Variants in MGAT4C observed in about 807,000 individuals in gnomAD.
MGAT4C encodes MGAT4 family member C.
Under a neutral mutation model 40.1 loss-of-function variants are expected in MGAT4C, and 19 were observed. That is an observed-to-expected ratio of 0.47 (90% CI 0.33 to 0.70). The LOEUF is 0.70. Among genes scored for constraint, MGAT4C ranks in the 30% least tolerant of loss-of-function variants. The probability of loss-of-function intolerance (pLI) is 0.02; values close to 1 mark genes in which losing one functional copy is unlikely to be tolerated. For synonymous variants in MGAT4C, 181 were observed against 187.1 expected, an observed-to-expected ratio of 0.97 and a Z score of 0.27; for missense variants, 491 against 563.2, an observed-to-expected ratio of 0.87 and a Z score of 1.30.
intron 2 of MGAT4C, among the ~76,000 whole-genome samples, chr12:86,676,941 A>T (rs1964414647): frequency 6.6e-6 from 1 of 152,148 alleles, no homozygotes; most frequent in Admixed American, 6.6e-5. Context: ...AACAGCCATC[A>T]GTCTTTTAAA....
In MGAT4C at chr12:86,321,689, G is replaced by T. The variant is rs927108101; in HGVS notation, c.-57+12376C>A. Among the ~76,000 whole-genome samples, 23 of 152,116 alleles carry T rather than the reference G, an allele frequency of 1.5e-4. 1 individual carries two copies. The highest frequency in any genetic ancestry group is 1.5e-5 in the Non-Finnish European group (1 of 68,030). ...ACCTGTGAGATACCATCTCACACCA[G>T]TTAGAATGGCGATCATTAACAAGTC... On this transcript the variant is annotated intron_variant, in intron 4 of 7. Transcript: ENST00000548651.
intron 3 of MGAT4C, among the ~76,000 whole-genome samples, chr12:86,399,525 C>T (rs1956319732): frequency 6.6e-6 from 1 of 152,164 alleles, no homozygotes; most frequent in Admixed American, 6.5e-5. Flanking sequence ...TCGTGATCTG[C>T]CTGCCTCGAC....
At chr12:86,219,073 C>T (rs143213189) in intron 1 of MGAT4C, among the ~76,000 whole-genome samples, 7,599 of 151,840 alleles carry the variant, frequency 0.05, 225 homozygotes, top group South Asian at 0.073. Flanking sequence ...CCAGCTACTC[C>T]GGAGGCTGAG....
chr12:86,584,671 T>G (rs1960931296), intron 2 of MGAT4C, among the ~76,000 whole-genome samples: 1 of 151,350 alleles, frequency 6.6e-6, no homozygotes, highest in South Asian at 2.1e-4. Context: ...ATTCAATGCG[T>G]ATATATACTT....
At chr12:86,819,136 CA>C (rs1952658445) in intron 1 of MGAT4C, among the ~76,000 whole-genome samples, 1 of 150,828 alleles carries the variant, frequency 6.6e-6, no homozygotes, top group Admixed American at 6.6e-5. Context: ...TAGTACTTTC[CA>C]CATGGCAGCC....
At chr12:86,478,197 C>T (rs538958641) in intron 2 of MGAT4C, among the ~76,000 whole-genome samples, 2 of 152,208 alleles carry the variant, frequency 1.3e-5, no homozygotes, top group Non-Finnish European at 2.9e-5. Flanking sequence ...GGTCAGAGGC[C>T]AGTCTAGCAA....
chr12:86,712,217 A>T (rs1950568345), intron 2 of MGAT4C, among the ~76,000 whole-genome samples: 1 of 152,138 alleles, frequency 6.6e-6, no homozygotes, highest in South Asian at 2.1e-4. Flanking sequence ...AAAAGTTGAA[A>T]TATTTTTGGA....
intron 2 of MGAT4C, among the ~76,000 whole-genome samples, chr12:86,651,982 T>A (rs770490541): frequency 4.5e-4 from 69 of 151,878 alleles, no homozygotes; most frequent in Non-Finnish European, 6.5e-4. Flanking sequence ...AAGATATGCT[T>A]TTTACAGACA....
intron 1 of MGAT4C, among the ~76,000 whole-genome samples, chr12:86,242,526 C>T (rs746351047): frequency 3.3e-5 from 5 of 152,068 alleles, no homozygotes; most frequent in Admixed American, 2.0e-4. Flanking sequence ...GTAATGACTC[C>T]TTTTTAAATC....
intron 2 of MGAT4C, among the ~76,000 whole-genome samples, chr12:86,577,323 C>T (rs1318357169): frequency 1.3e-5 from 2 of 151,704 alleles, no homozygotes; most frequent in Non-Finnish European, 1.5e-5. Context: ...ATTGTTCTAC[C>T]TAGGACTTCC....
intron 1 of MGAT4C, among the ~76,000 whole-genome samples, chr12:86,753,706 A>G (rs1951259106): frequency 1.3e-5 from 2 of 152,176 alleles, no homozygotes; most frequent in African/African-American, 2.4e-5. Flanking sequence ...AAGGTAGGCA[A>G]ATGGTTTGAA....
At chr12:86,734,736 A>G (rs1319097627) in intron 1 of MGAT4C, among the ~76,000 whole-genome samples, 1 of 152,028 alleles carries the variant, frequency 6.6e-6, no homozygotes, top group Non-Finnish European at 1.5e-5. Flanking sequence ...TGTTCCAGCC[A>G]CTGGAATTGT....
chr12:86,579,861 T>C (rs968943421), intron 2 of MGAT4C, among the ~76,000 whole-genome samples: 1 of 151,630 alleles, frequency 6.6e-6, no homozygotes, highest in African/African-American at 2.4e-5. Context: ...TTTAAATGTG[T>C]CATGCCATTC....
At chr12:86,261,599 C>T in intron 4 of MGAT4C, among the ~76,000 whole-genome samples, 1 of 152,186 alleles carries the variant, frequency 6.6e-6, no homozygotes, top group South Asian at 2.1e-4. Context: ...TATTTTGCAA[C>T]CCGTGTATCT....
At chr12:86,104,148 C>G (rs567645629) in intron 1 of MGAT4C, among the ~76,000 whole-genome samples, 4 of 151,720 alleles carry the variant, frequency 2.6e-5, no homozygotes, top group Non-Finnish European at 4.4e-5. Flanking sequence ...ATTTTGAAAA[C>G]ATTGTCTCTA....
At chr12:86,706,335 AT>A (rs1262928827) in intron 2 of MGAT4C, among the ~76,000 whole-genome samples, 1 of 152,174 alleles carries the variant, frequency 6.6e-6, no homozygotes, top group African/African-American at 2.4e-5. Flanking sequence ...TGAGAATTGG[AT>A]TTTTTAGGGC....
At chr12:86,386,927 A>G (rs1342179055) in intron 3 of MGAT4C, among the ~76,000 whole-genome samples, 1 of 152,198 alleles carries the variant, frequency 6.6e-6, no homozygotes, top group Non-Finnish European at 1.5e-5. Context: ...CTAATAACAC[A>G]TATCACTTTA....
chr12:86,662,388 C>T, intron 2 of MGAT4C, among the ~76,000 whole-genome samples: 1 of 152,154 alleles, frequency 6.6e-6, no homozygotes, highest in Non-Finnish European at 1.5e-5. Context: ...CTCAGAATAA[C>T]TTGAAGAATA....
At position 86,003,747 on chromosome 12, in the gene MGAT4C, T is replaced by TGAAGAAGAA. The variant is rs147837764; in HGVS notation, c.-6-14204_-6-14196dup. On this transcript the variant is annotated intron_variant, in intron 2 of 4. Transcript: ENST00000611864. ...AGTTTTGTGAAGTTGTGAAGTTTTG[T>TGAAGAAGAA]GAAGAAGAAGAAGAAGAAGAAGAAG... Among the ~76,000 whole-genome samples, 197 of 151,176 alleles carry TGAAGAAGAA rather than the reference T, an allele frequency of 1.3e-3. 1 individual carries two copies. Among genetic ancestry groups the TGAAGAAGAA allele is most frequent in the African/African-American group, 2.0e-3 (84 of 41,248 alleles).
Sources: gnomAD v4.1 joint callset for allele counts (sites outside exome capture counted in the v4.1 genomes callset) on GRCh38, gnomAD v4.1.1 for gene constraint, MANE v1.5 for transcripts, NCBI Gene and HGNC (gene_info 2026-07-23, HGNC 2026-07-21) for gene names.